The following NLGN1 variants were observed in gnomAD, a reference collection of about 807,000 sequenced individuals.
NLGN1 encodes neuroligin 1.
NLGN1 carries 12 observed loss-of-function variants against 65.5 expected under a neutral mutation model. The observed-to-expected ratio is 0.18, with a 90% CI of 0.12 to 0.30. The LOEUF (loss-of-function observed/expected upper bound fraction) is 0.30. Ranked by LOEUF, NLGN1 falls within the 10% of genes least tolerant of loss-of-function variation. The pLI is 1.00. For missense variants in NLGN1, 750 were observed against 1,007.1 expected (o/e 0.74, Z 3.46); for synonymous variants, 350 against 359.5 (o/e 0.97, Z 0.30).
intron 2 of NLGN1, among the ~76,000 whole-genome samples, chr3:173,446,915 G>GT (rs1298142008): frequency 6.6e-6 from 1 of 152,058 alleles, no homozygotes. Flanking sequence ...GGGGTTGTTT[G>GT]TTTTTTTCTT....
rs74393527 is a variant in NLGN1, at chr3:173,528,512, A to T, written c.-320-75767A>T. 5.6e-3 allele frequency among the ~76,000 whole-genome samples: 852 copies of T among 152,230 alleles called. 22 individuals carry two copies. The South Asian group carries it at 0.065, about 12-fold the overall frequency. On this transcript the variant is annotated intron_variant, in intron 2 of 6. Coordinates refer to ENST00000457714, the Ensembl canonical transcript of NLGN1. Reference sequence around the variant, plus strand: ...AGCAAGATCAAGGAAATTTTCCTGCATTATTCCTTCAAATATGTTTTCCAC... The same window carrying T: ...AGCAAGATCAAGGAAATTTTCCTGCTTTATTCCTTCAAATATGTTTTCCAC...
At position 174,075,440 on chromosome 3, in the gene NLGN1, A is replaced by G. The variant is rs192511844; in HGVS notation, c.647-199875A>G. Among the ~76,000 whole-genome samples the G allele has an allele frequency of 1.5e-3, 223 of 152,302 alleles. 2 individuals carry two copies. The highest frequency in any genetic ancestry group is 1.8e-3 in the Non-Finnish European group (120 of 68,014). The stretch of plus-strand genomic sequence containing the variant: ...GATAATCAGAGCTCCTAGATTAGAA[A>G]TAATTTTGATGAAGCGGTCCTTTAA... On this transcript the variant is annotated intron_variant, in intron 4 of 6. Transcript: ENST00000457714.
chr3:174,126,398 A>G (rs1429083439), intron 4 of NLGN1, among the ~76,000 whole-genome samples: 1 of 152,142 alleles, frequency 6.6e-6, no homozygotes, highest in Admixed American at 6.6e-5. Context: ...TATAATGTCC[A>G]TGAAGTGTCT....
At chr3:173,956,090 G>A (rs1455274999) in intron 4 of NLGN1, among the ~76,000 whole-genome samples, 3 of 151,984 alleles carry the variant, frequency 2.0e-5, no homozygotes, top group Admixed American at 2.0e-4. Flanking sequence ...CTTCAATTAT[G>A]TTAATATTCA....
chr3:173,795,705 C>A (rs1214691122), intron 3 of NLGN1, among the ~76,000 whole-genome samples: 1 of 152,084 alleles, frequency 6.6e-6, no homozygotes, highest in Non-Finnish European at 1.5e-5. Flanking sequence ...GCATTGAATT[C>A]TGGCATTGTT....
chr3:174,148,525 T>G (rs1723759257), intron 4 of NLGN1, among the ~76,000 whole-genome samples: 1 of 152,196 alleles, frequency 6.6e-6, no homozygotes, highest in Admixed American at 6.5e-5. Flanking sequence ...TCTTTAAATC[T>G]GTTTTCAGTA....
At chr3:174,247,193 A>C (rs1351847912) in intron 4 of NLGN1, among the ~76,000 whole-genome samples, 1 of 152,200 alleles carries the variant, frequency 6.6e-6, no homozygotes, top group Non-Finnish European at 1.5e-5. Context: ...CTTGGAGATC[A>C]ATATCAAAGG....
intron 2 of NLGN1, among the ~76,000 whole-genome samples, chr3:173,511,989 C>G (rs1459361194): frequency 6.6e-6 from 1 of 152,170 alleles, no homozygotes; most frequent in African/African-American, 2.4e-5. Context: ...CCCACCCACT[C>G]AACCCCTCAT....
chr3:173,433,663 A>C (rs947332219), intron 1 of NLGN1, among the ~76,000 whole-genome samples: 4 of 151,128 alleles, frequency 2.6e-5, no homozygotes, highest in African/African-American at 9.7e-5. Context: ...TACATAGATA[A>C]GTTTTTATTT....
chr3:174,253,853 A>T (rs1745191062), intron 4 of NLGN1, among the ~76,000 whole-genome samples: 1 of 152,168 alleles, frequency 6.6e-6, no homozygotes. Flanking sequence ...CTTTTGAAAA[A>T]TTTCTCTAAC....
At chr3:174,212,485 T>C (rs1269016949) in intron 4 of NLGN1, among the ~76,000 whole-genome samples, 2 of 152,208 alleles carry the variant, frequency 1.3e-5, no homozygotes, top group African/African-American at 2.4e-5. Context: ...GCAGAGGAGA[T>C]GCCAAGAGCA....
intron 4 of NLGN1, among the ~76,000 whole-genome samples, chr3:173,921,194 A>ATATAT (rs10623756): frequency 0.33 from 48,465 of 146,030 alleles, 8,595 homozygotes; most frequent in African/African-American, 0.45. Flanking sequence ...TATATACAAT[A>ATATAT]TATATGTAGT....
At chr3:174,276,575 A>C (rs1183923766) in intron 5 of NLGN1, among the ~76,000 whole-genome samples, 3 of 151,930 alleles carry the variant, frequency 2.0e-5, no homozygotes, top group East Asian at 3.9e-4. Context: ...TTGTGATAGG[A>C]GCACCAAACA....
chr3:173,839,092 C>CT (rs11376148), intron 4 of NLGN1, among the ~76,000 whole-genome samples: 105,368 of 136,028 alleles, frequency 0.77, 41,774 homozygotes, highest in Non-Finnish European at 0.85. Flanking sequence ...AATTGGATGA[C>CT]TTTTTTTTTT....
intron 4 of NLGN1, among the ~76,000 whole-genome samples, chr3:173,995,312 G>A (rs528232792): frequency 5.3e-5 from 8 of 152,228 alleles, no homozygotes; most frequent in African/African-American, 1.4e-4. Flanking sequence ...CCTCATTCTC[G>A]TCTCTGTAGA....
intron 3 of NLGN1, among the ~76,000 whole-genome samples, chr3:173,633,204 T>A (rs543366623): frequency 8.5e-5 from 13 of 152,256 alleles, no homozygotes; most frequent in African/African-American, 2.9e-4. Context: ...CACATCATAA[T>A]TGAGATTATT....
At chr3:173,433,383 A>G (rs557624383) in intron 1 of NLGN1, among the ~76,000 whole-genome samples, 1 of 152,126 alleles carries the variant, frequency 6.6e-6, no homozygotes, top group South Asian at 2.1e-4. Flanking sequence ...CTCTCCTCAC[A>G]GTGCTCAGGC....
chr3:174,196,382 T>C (rs1307253579), intron 4 of NLGN1, among the ~76,000 whole-genome samples: 1 of 152,168 alleles, frequency 6.6e-6, no homozygotes, highest in African/African-American at 2.4e-5. Context: ...TCATGCAAAA[T>C]TATACTTACT....
chr3:173,757,798 G>T (rs2150190400), intron 3 of NLGN1, among the ~76,000 whole-genome samples: 1 of 152,108 alleles, frequency 6.6e-6, no homozygotes, highest in East Asian at 1.9e-4. Context: ...GTAAATAAAA[G>T]CCCACGTACT....
Sources: allele counts gnomAD v4.1 joint callset (sites outside exome capture counted in the v4.1 genomes callset), GRCh38; gene constraint gnomAD v4.1.1; transcripts MANE v1.5; gene names NCBI Gene and HGNC (gene_info 2026-07-23, HGNC 2026-07-21).